RIPPLY2: variants seen among roughly 807,000 people sequenced by gnomAD.
The protein encoded by RIPPLY2 is ripply transcriptional repressor 2, also known as protein ripply2.
Under a neutral mutation model 17.7 loss-of-function variants are expected in RIPPLY2, and 20 were observed. The ratio of observed to expected loss-of-function variants is 1.13; its 90% confidence interval spans 0.79 to 1.64. RIPPLY2 has a LOEUF of 1.64. Ranked by LOEUF, RIPPLY2 falls within the 40% of genes most tolerant of loss-of-function variation. The probability of loss-of-function intolerance (pLI) is 0.00; values close to 1 mark genes in which losing one functional copy is unlikely to be tolerated. For missense variants in RIPPLY2, 213 were observed against 169.8 expected (o/e 1.25, Z -1.41); for synonymous variants, 69 against 63.9 (o/e 1.08, Z -0.38).
At chr6:83,853,904 C>T in intron 2 of RIPPLY2, 131 bp downstream of exon 2, 7 of 1,026,818 alleles carry the variant, frequency 6.8e-6, no homozygotes, top group South Asian at 4.4e-5. Context: ...TCCCGCCTGC[C>T]GGTGGCCATA....
upstream of RIPPLY2, chr6:83,853,307 A>G: frequency 2.5e-6 from 2 of 813,948 alleles, no homozygotes; most frequent in Non-Finnish European, 3.7e-6. Flanking sequence ...CGAACCTCTC[A>G]ATGTGCAGCA....
chr6:83,853,234 G>C, upstream of RIPPLY2: 1 of 574,214 alleles, frequency 1.7e-6, no homozygotes, highest in Non-Finnish European at 3.0e-6. Context: ...GGCTCAGCCC[G>C]GTGCGCCTTC....
chr6:83,854,459 T>C, intron 3 of RIPPLY2: 1 of 434,542 alleles, frequency 2.3e-6, no homozygotes, highest in Non-Finnish European at 4.2e-6. Flanking sequence ...AAAACAGTTT[T>C]TATTTTTAAA....
intron 3 of RIPPLY2, chr6:83,856,395 A>C (rs995258107): frequency 1.3e-5 from 2 of 152,156 alleles, no homozygotes; most frequent in African/African-American, 4.8e-5. Context: ...CATTGTATGG[A>C]TATATGGGCT....
intron 1 of RIPPLY2, 64 bp from the exon 2 acceptor site, chr6:83,853,631 G>A: frequency 1.9e-6 from 3 of 1,574,888 alleles, no homozygotes; most frequent in South Asian, 2.3e-5. Context: ...GCTCGGCTTC[G>A]GTGGATTCTC....
intron 1 of RIPPLY2, 47 bp from the exon 2 acceptor site, chr6:83,853,648 C>T (rs2099454544): frequency 6.3e-7 from 1 of 1,592,718 alleles, no homozygotes; most frequent in Non-Finnish European, 8.5e-7. Flanking sequence ...TCTCCCGGGT[C>T]TGGGCTCACG....
chr6:83,856,443 G>A (rs924625259), intron 3 of RIPPLY2: 1 of 152,184 alleles, frequency 6.6e-6, no homozygotes, highest in East Asian at 1.9e-4. Flanking sequence ...TGTACTTGGT[G>A]ATTCAGCCTT....
At chr6:83,853,609 C>A in intron 1 of RIPPLY2, 86 bp from the exon 2 acceptor site, 2 of 1,554,020 alleles carry the variant, frequency 1.3e-6, no homozygotes, top group Non-Finnish European at 8.7e-7. Context: ...TCCCCCACTG[C>A]CCGGTGCCAG....
At chr6:83,853,823 C>A in intron 2 of RIPPLY2, 50 bp downstream of exon 2, 1 of 1,511,196 alleles carries the variant, frequency 6.6e-7, no homozygotes, top group Non-Finnish European at 9.1e-7. Context: ...TGCAGAAGAT[C>A]GACCAGGGCT....
At chr6:83,854,333 TCACGGTCC>T (rs2099454667) in intron 3 of RIPPLY2, 172 bp downstream of exon 3, 1 of 628,532 alleles carries the variant, frequency 1.6e-6, no homozygotes, top group Admixed American at 2.6e-5. Flanking sequence ...AGGTAGGGGC[TCACGGTCC>T]CACGTAAAGG....
chr6:83,857,385 A>G lies in RIPPLY2; in HGVS notation c.383A>G (p.Asn128Ser), dbSNP rs377377673. 1.3e-6 allele frequency: 2 copies of G among 1,569,062 alleles called. No individual in the cohort carries two copies. The highest frequency in any genetic ancestry group is 1.7e-6 in the Non-Finnish European group (2 of 1,163,984). Residue 128 changes from asparagine to serine, a missense_variant, in exon 4 of 4, where the codon AAT becomes AGT. Physicochemically the swap from Asn to Ser is conservative, Grantham distance 46. Transcript: ENST00000369689. The part of the protein sequence containing the change: ...EDEIEDLTCE[N>S] ...GAAATTGAGGATCTGACCTGTGAAA[A>G]TTAATCTGATTAGCTACTTTTGATT...
intron 3 of RIPPLY2, 121 bp from the exon 4 acceptor site, chr6:83,857,120 TA>T (rs2099455104): frequency 1.8e-6 from 1 of 558,568 alleles, no homozygotes; most frequent in Non-Finnish European, 3.0e-6. Context: ...CTCTGTATCT[TA>T]AGGCTATATC....
chr6:83,853,420 G>A lies in RIPPLY2; in HGVS notation c.4G>A (p.Glu2Lys). Residue 2 changes from glutamate (E) to lysine (K), a missense_variant, in exon 1 of 4, where the codon GAG becomes AAG. Glu to Lys is a moderately conservative substitution (Grantham distance 56, BLOSUM62 1). Coordinates refer to ENST00000369689, the MANE Select transcript of RIPPLY2 (RefSeq NM_001009994.3). ...TTCCGCCCAGCTCTGCGGCGTCATG[G>A]AGAACGCGGGAGGCGCAGAGGGTAC... MENAGGAEGTES... is the reference protein window; with the variant it reads MKNAGGAEGTES... 1 of 1,543,406 alleles carries A rather than the reference G, an allele frequency of 6.5e-7. No individual in the cohort carries two copies. The highest frequency in any genetic ancestry group is 8.7e-7 in the Non-Finnish European group (1 of 1,146,448).
intron 3 of RIPPLY2, chr6:83,856,595 T>G (rs1197291296): frequency 6.6e-6 from 1 of 152,196 alleles, no homozygotes; most frequent in African/African-American, 2.4e-5. Context: ...CATATGATAT[T>G]CACAAATTTA....
rs2099454483 is a variant in RIPPLY2, at chr6:83,853,383, C to G, written c.-34C>G. ...GGAACTGGTCAAGATTGCCCGCGAG[C>G]TGGCAGCGGCCTTCCGCCCAGCTCT... On this transcript the variant is annotated 5_prime_UTR_variant, in exon 1 of 4. Transcript: ENST00000369689. 2 of 1,523,994 alleles carry G rather than the reference C, an allele frequency of 1.3e-6. No individual in the cohort carries two copies. Among genetic ancestry groups the G allele is most frequent in the Non-Finnish European group, 1.8e-6 (2 of 1,132,812 alleles). The allele number at this position is 1,523,994 out of a possible 1,614,324, so 94.4% of individuals were successfully genotyped here.
In RIPPLY2 at chr6:83,854,103, G is replaced by C. The variant is rs763323503; in HGVS notation, c.181G>C (p.Asp61His). The change falls in exon 3 of 4, where the codon GAT (aspartate) becomes CAT (histidine). Residue 61 changes from aspartate (D) to histidine (H), a missense_variant. Asp to His is a moderately conservative substitution (Grantham distance 81). Transcript: ENST00000369689. ...CACTTCCTTTCCTCTCCAGATGCCC[G>C]ATGGCCCTGGAATGACCGCAGCCTC... The part of the protein sequence containing the change: ...TPNHAAEAMP[D>H]GPGMTAASGK... 6.2e-7 allele frequency: 1 copy of C among 1,613,798 alleles called. No homozygotes were observed. The highest frequency in any genetic ancestry group is 1.3e-5 in the African/African-American group (1 of 74,922).
Position 83,854,136 on chromosome 6 carries a change from C to T in RIPPLY2, c.214C>T (p.Leu72Phe). 1.2e-6 allele frequency: 2 copies of T among 1,614,172 alleles called. No individual in the cohort carries two copies. Among genetic ancestry groups the T allele is most frequent in the Non-Finnish European group, 1.7e-6 (2 of 1,180,042 alleles). The change falls in exon 3 of 4, where the codon CTT becomes TTT. Residue 72 changes from leucine (L) to phenylalanine (F), a missense_variant. Leu to Phe is a conservative substitution (Grantham distance 22). Transcript: ENST00000369689. Reference sequence around the variant, plus strand: ...TGGAATGACCGCAGCCTCAGGAAAGCTTTACCAATTCAGGCACCCAGTCAG... The same window carrying T: ...TGGAATGACCGCAGCCTCAGGAAAGTTTTACCAATTCAGGCACCCAGTCAG... ...GPGMTAASGKLYQFRHPVRLF... is the reference protein window; with the variant it reads ...GPGMTAASGKFYQFRHPVRLF...
At position 83,857,274 on chromosome 6, in the gene RIPPLY2, A is replaced by C; in HGVS notation, c.272A>C (p.Tyr91Ser). The change falls in exon 4 of 4, where the codon TAC becomes TCC. Residue 91 changes from tyrosine (Y) to serine (S), a missense_variant. Physicochemically the swap from Tyr to Ser is moderately radical, Grantham distance 144. Coordinates refer to ENST00000369689, the MANE Select transcript of RIPPLY2 (RefSeq NM_001009994.3). ...LFWPKSKCYD[Y>S]LYQEAEALLK... Reference sequence around the variant, plus strand: ...TGGCCAAAATCAAAATGTTATGATTACTTATATCAAGAAGCAGAAGCTCTT... The same window carrying C: ...TGGCCAAAATCAAAATGTTATGATTCCTTATATCAAGAAGCAGAAGCTCTT... 1 of 1,534,398 alleles carries C rather than the reference A, an allele frequency of 6.5e-7. No individual in the cohort carries two copies. The highest frequency in any genetic ancestry group is 1.3e-5 in the South Asian group (1 of 77,482).
At chr6:83,853,630 C>T in intron 1 of RIPPLY2, 65 bp from the exon 2 acceptor site, 1 of 1,573,854 alleles carries the variant, frequency 6.4e-7, no homozygotes. Flanking sequence ...CGCTCGGCTT[C>T]GGTGGATTCT....
Sources: allele counts gnomAD v4.1 joint callset, GRCh38; gene constraint gnomAD v4.1.1; transcripts MANE v1.5; gene names NCBI Gene and HGNC (gene_info 2026-07-23, HGNC 2026-07-21).